The following PPP3R1 variants were observed in gnomAD, a reference collection of about 807,000 sequenced individuals.
The protein encoded by PPP3R1 is calcineurin subunit B type 1.
Under a neutral mutation model 22.6 loss-of-function variants are expected in PPP3R1, and 5 were observed. The ratio of observed to expected loss-of-function variants is 0.22; its 90% confidence interval spans 0.12 to 0.46. The LOEUF is 0.46. Ranked by LOEUF, PPP3R1 falls within the 20% of genes least tolerant of loss-of-function variation. The probability of loss-of-function intolerance (pLI) is 0.99; values close to 1 mark genes in which losing one functional copy is unlikely to be tolerated. For synonymous variants in PPP3R1, 56 were observed against 65.2 expected (o/e 0.86, Z 0.68); for missense variants, 61 against 203.2 (o/e 0.30, Z 4.25).
chr2:68,182,084 C>T (rs1019841417), intron 5 of PPP3R1, among the ~76,000 whole-genome samples: 20 of 118,878 alleles, frequency 1.7e-4, no homozygotes, highest in African/African-American at 5.6e-4. Context: ...CCCCCCTCCC[C>T]CCACCACACA....
chr2:68,230,788 T>C (rs1669882059), intron 1 of PPP3R1, among the ~76,000 whole-genome samples: 1 of 152,242 alleles, frequency 6.6e-6, no homozygotes, highest in Non-Finnish European at 1.5e-5. Flanking sequence ...TACAGGTTTC[T>C]GAGTTGACAG....
chr2:68,206,979 A>C (rs1481857695), intron 2 of PPP3R1, among the ~76,000 whole-genome samples: 2 of 152,156 alleles, frequency 1.3e-5, no homozygotes, highest in Non-Finnish European at 2.9e-5. Flanking sequence ...GCATGACAGG[A>C]ATTAACCTAA....
At chr2:68,190,918 T>C (rs1674653307) in intron 2 of PPP3R1, among the ~76,000 whole-genome samples, 1 of 152,212 alleles carries the variant, frequency 6.6e-6, no homozygotes, top group Non-Finnish European at 1.5e-5. Context: ...GGCTATGGTG[T>C]TTCATTTGTA....
At chr2:68,222,833 C>T (rs1219758960) in intron 1 of PPP3R1, among the ~76,000 whole-genome samples, 1 of 151,900 alleles carries the variant, frequency 6.6e-6, no homozygotes, top group Non-Finnish European at 1.5e-5. Context: ...AATACTCAAT[C>T]CCATGAAAGG....
intron 2 of PPP3R1, among the ~76,000 whole-genome samples, chr2:68,201,743 A>G (rs1674978939): frequency 6.6e-6 from 1 of 152,118 alleles, no homozygotes; most frequent in Admixed American, 6.5e-5. Flanking sequence ...CTCACATTTG[A>G]GTGATCATTT....
At chr2:68,248,096 C>T (rs566350113) in intron 1 of PPP3R1, among the ~76,000 whole-genome samples, 172 of 152,300 alleles carry the variant, frequency 1.1e-3, no homozygotes, top group African/African-American at 4.0e-3. Context: ...CTACCCCCTT[C>T]CTCTCCAGCC....
Position 68,248,701 on chromosome 2 carries a change from T to G in PPP3R1, c.3+3424A>C, listed in dbSNP as rs551776035. On this transcript the variant is annotated intron_variant, in intron 1 of 5. Transcript: ENST00000234310. The stretch of plus-strand genomic sequence containing the variant: ...TCCTCCCTTTAGGATTTAAAGTGCC[T>G]TCTTCTAGATGCCTCCAACTCTGCC... Among the ~76,000 whole-genome samples the G allele has an allele frequency of 2.6e-5, 4 of 152,308 alleles. No individual in the cohort carries two copies. The East Asian group carries it at 5.8e-4, about 22-fold the overall frequency.
chr2:68,219,767 A>C (rs1669649957), intron 1 of PPP3R1, among the ~76,000 whole-genome samples: 1 of 152,206 alleles, frequency 6.6e-6, no homozygotes, highest in Non-Finnish European at 1.5e-5. Context: ...ACTCAACTAA[A>C]CAAAACCATA....
At chr2:68,236,470 G>C (rs1670022341) in intron 1 of PPP3R1, among the ~76,000 whole-genome samples, 1 of 152,120 alleles carries the variant, frequency 6.6e-6, no homozygotes, top group Non-Finnish European at 1.5e-5. Flanking sequence ...AAAATGAACA[G>C]CTATGCTCCG....
At chr2:68,222,000 G>T (rs1356945591) in intron 1 of PPP3R1, among the ~76,000 whole-genome samples, 1 of 151,872 alleles carries the variant, frequency 6.6e-6, no homozygotes, top group Non-Finnish European at 1.5e-5. Flanking sequence ...TCAGGCAGAA[G>T]AAAAATGATA....
chr2:68,223,310 C>T (rs1325481687), intron 1 of PPP3R1, among the ~76,000 whole-genome samples: 6 of 152,132 alleles, frequency 3.9e-5, no homozygotes, highest in Non-Finnish European at 5.9e-5. Flanking sequence ...GCAGAAGAAT[C>T]GCTTGAACCT....
At position 68,239,549 on chromosome 2, in the gene PPP3R1, C is replaced by T. The variant is rs553028156; in HGVS notation, c.3+12576G>A. Reference sequence around the variant, plus strand: ...TTACATTTAGTTGAGTTTGAGGTGTCTTAGAAACAACCTTATTTAAATAGT... The same window carrying T: ...TTACATTTAGTTGAGTTTGAGGTGTTTTAGAAACAACCTTATTTAAATAGT... On this transcript the variant is annotated intron_variant, in intron 1 of 5. Coordinates refer to ENST00000234310, the MANE Select transcript of PPP3R1 (RefSeq NM_000945.4). 2.0e-5 allele frequency among the ~76,000 whole-genome samples: 3 copies of T among 152,150 alleles called. No homozygotes were observed. In the East Asian group the frequency reaches 5.8e-4, roughly 29 times the overall value.
chr2:68,193,452 C>T (rs995309661), intron 2 of PPP3R1, among the ~76,000 whole-genome samples: 1 of 152,034 alleles, frequency 6.6e-6, no homozygotes, highest in Non-Finnish European at 1.5e-5. Context: ...ACAATCTAGT[C>T]GAGGCTGAGC....
chr2:68,209,284 G>A (rs1057319170), intron 2 of PPP3R1, among the ~76,000 whole-genome samples: 10 of 131,540 alleles, frequency 7.6e-5, no homozygotes, highest in Non-Finnish European at 1.4e-4. Flanking sequence ...GCGTGAACCC[G>A]GGAGGCGGAG....
At chr2:68,211,691 C>G (rs958678534) in intron 2 of PPP3R1, among the ~76,000 whole-genome samples, 1 of 152,182 alleles carries the variant, frequency 6.6e-6, no homozygotes, top group African/African-American at 2.4e-5. Context: ...CTTTTCAAAC[C>G]CTGCTGCTGC....
intron 1 of PPP3R1, among the ~76,000 whole-genome samples, chr2:68,251,814 T>C (rs1670364816): frequency 7.2e-6 from 1 of 138,164 alleles, no homozygotes; most frequent in African/African-American, 2.7e-5. Flanking sequence ...TGGTCAGCGG[T>C]GCCCGCGGGG....
intron 3 of PPP3R1, among the ~76,000 whole-genome samples, chr2:68,187,989 G>C (rs1572951389): frequency 6.6e-6 from 1 of 152,146 alleles, no homozygotes; most frequent in African/African-American, 2.4e-5. Context: ...GGCCAACATG[G>C]TGAAATCTCG....
In PPP3R1 at chr2:68,186,486, G is replaced by A. The variant is rs1303126499; in HGVS notation, c.447C>T (p.Ser149=). 6.2e-7 allele frequency: 1 copy of A among 1,612,506 alleles called. No individual in the cohort carries two copies. Among genetic ancestry groups the A allele is most frequent in the Non-Finnish European group, 8.5e-7 (1 of 1,179,128 alleles). Residue 149 remains serine (S), a synonymous_variant, in exon 5 of 6, where the codon TCC becomes TCT. Transcript: ENST00000234310. ...NADKDGDGRI[S]FEEFCAVVGG... is the part of the protein sequence containing the mutation. ...TACTTACAGCACAGAATTCTTCAAAGGATATTCTTCCATCTCCATCCTTAT... is the reference window on the plus strand; with the variant it reads ...TACTTACAGCACAGAATTCTTCAAAAGATATTCTTCCATCTCCATCCTTAT...
At chr2:68,213,204 G>T (rs111851684) in intron 2 of PPP3R1, among the ~76,000 whole-genome samples, 55 of 152,310 alleles carry the variant, frequency 3.6e-4, no homozygotes, top group African/African-American at 1.3e-3. Context: ...TTGGCTAATT[G>T]TGTGGCACAG....
Sources: gnomAD v4.1 joint callset for allele counts (sites outside exome capture counted in the v4.1 genomes callset) on GRCh38, gnomAD v4.1.1 for gene constraint, MANE v1.5 for transcripts, NCBI Gene and HGNC (gene_info 2026-07-23, HGNC 2026-07-21) for gene names.